Variants in PALS2 observed in about 807,000 individuals in gnomAD.
The protein encoded by PALS2 is protein associated with LIN7 2, MAGUK p55 family member, also known as protein PALS2.
In PALS2, 27 loss-of-function variants were observed where a neutral mutation model predicts 61.6. The observed-to-expected ratio is 0.44, with a 90% CI of 0.32 to 0.60. The LOEUF is 0.60. Ranked by LOEUF, PALS2 falls within the 20% of genes least tolerant of loss-of-function variation. The probability of loss-of-function intolerance (pLI) is 0.05; values close to 1 mark genes in which losing one functional copy is unlikely to be tolerated. For missense variants in PALS2, 554 were observed against 639.4 expected, an observed-to-expected ratio of 0.87 and a Z score of 1.44; for synonymous variants, 236 against 218.6, an observed-to-expected ratio of 1.08 and a Z score of -0.70.
In PALS2 at chr7:24,593,422, A is replaced by G. The variant is rs1783376463; in HGVS notation, c.-3+19829A>G. On this transcript the variant is annotated intron_variant, in intron 1 of 11. Coordinates refer to ENST00000222644, the MANE Select transcript of PALS2 (RefSeq NM_001303037.2). The stretch of plus-strand genomic sequence containing the variant: ...ATTTTGACCTTCTCCCATGAATCAC[A>G]AGTGTTCTTAATGACATAAATGGTG... Among the ~76,000 whole-genome samples the G allele has an allele frequency of 2.0e-5, 3 of 152,252 alleles. No individual in the cohort carries two copies. In the South Asian group the frequency reaches 6.2e-4, roughly 32 times the overall value.
Position 24,663,635 on chromosome 7 carries a change from C to G in PALS2, c.697C>G (p.Leu233Val). The G allele has an allele frequency of 6.3e-7, 1 of 1,594,912 alleles. No homozygotes were observed. The highest frequency in any genetic ancestry group is 2.2e-5 in the East Asian group (1 of 44,648). Residue 233 changes from leucine to valine, a missense_variant, in exon 6 of 12, where the codon CTA becomes GTA. Physicochemically the swap from Leu to Val is conservative, Grantham distance 32. Coordinates refer to ENST00000222644, the MANE Select transcript of PALS2 (RefSeq NM_001303037.2). ...TGATTATAATCCATACAATGACAAC[C>G]TAATACCTTGCAAAGAAGCAGGATT... is the stretch of plus-strand genomic sequence containing the variant. ...HFDYNPYNDN[L>V]IPCKEAGLKF... is the part of the protein sequence containing the mutation.
chr7:24,652,650 C>T (rs769450220), intron 5 of PALS2, among the ~76,000 whole-genome samples: 1 of 151,730 alleles, frequency 6.6e-6, no homozygotes, highest in Non-Finnish European at 1.5e-5. Flanking sequence ...AGGCATAAAC[C>T]AGGGCATCTG....
At chr7:24,640,624 A>G (rs1303270782) in intron 2 of PALS2, among the ~76,000 whole-genome samples, 1 of 152,214 alleles carries the variant, frequency 6.6e-6, no homozygotes, top group African/African-American at 2.4e-5. Context: ...TTATCAGAAA[A>G]GCAAGGAATG....
chr7:24,660,332 C>G (rs538757458), intron 5 of PALS2, among the ~76,000 whole-genome samples: 1 of 152,178 alleles, frequency 6.6e-6, no homozygotes, highest in African/African-American at 2.4e-5. Flanking sequence ...CTCATCCCCC[C>G]ACCAGTAACA....
chr7:24,659,090 G>A (rs1379434717), intron 5 of PALS2, among the ~76,000 whole-genome samples: 2 of 152,140 alleles, frequency 1.3e-5, no homozygotes, highest in African/African-American at 2.4e-5. Context: ...ACTTACAAGT[G>A]AGAACATGCA....
intron 1 of PALS2, among the ~76,000 whole-genome samples, chr7:24,620,498 TC>T (rs1471496703): frequency 2.6e-5 from 4 of 152,028 alleles, no homozygotes; most frequent in African/African-American, 9.7e-5. Context: ...TGATTAAGAG[TC>T]AGTAACAACT....
intron 6 of PALS2, 41 bp downstream of exon 6, chr7:24,663,762 T>G (rs761107584): frequency 6.4e-7 from 1 of 1,568,852 alleles, no homozygotes; most frequent in Non-Finnish European, 8.7e-7. Context: ...ACTTTTCTAA[T>G]TTTAATCTTA....
intron 1 of PALS2, among the ~76,000 whole-genome samples, chr7:24,598,384 G>A (rs1231633785): frequency 6.6e-6 from 1 of 152,094 alleles, no homozygotes; most frequent in African/African-American, 2.4e-5. Flanking sequence ...TAGAAGTGAA[G>A]GGCTAACAAG....
intron 2 of PALS2, among the ~76,000 whole-genome samples, chr7:24,624,473 A>G (rs1784651012): frequency 6.6e-6 from 1 of 151,972 alleles, no homozygotes; most frequent in Admixed American, 6.6e-5. Flanking sequence ...GCTCTATGAG[A>G]ATGTTGATTT....
intron 5 of PALS2, among the ~76,000 whole-genome samples, chr7:24,651,641 A>G (rs1456918585): frequency 2.0e-5 from 3 of 152,212 alleles, no homozygotes; most frequent in Admixed American, 2.0e-4. Context: ...ATTGAAAATT[A>G]TGATAGGAGT....
At chr7:24,641,007 CA>C (rs35912373) in intron 2 of PALS2, among the ~76,000 whole-genome samples, 4,074 of 66,910 alleles carry the variant, frequency 0.061, 29 homozygotes, top group Non-Finnish European at 0.078. Flanking sequence ...GACTCCATCT[CA>C]AAAAAAAAAA....
chr7:24,653,398 A>C (rs1786259062), intron 5 of PALS2, among the ~76,000 whole-genome samples: 1 of 152,168 alleles, frequency 6.6e-6, no homozygotes, highest in African/African-American at 2.4e-5. Context: ...TATTACAAAA[A>C]AAAAAAATAG....
chr7:24,651,879 A>G (rs907338353), intron 5 of PALS2, among the ~76,000 whole-genome samples: 1 of 152,220 alleles, frequency 6.6e-6, no homozygotes, highest in Non-Finnish European at 1.5e-5. Flanking sequence ...TTGAATGTCT[A>G]TTTTAAACTG....
At position 24,691,391 on chromosome 7, in the gene PALS2, G is replaced by GTA. The variant is rs1788460003; in HGVS notation, c.*3778_*3779insAT. 2.0e-5 allele frequency: 2 copies of GTA among 100,404 alleles called. No homozygotes were observed. The highest frequency in any genetic ancestry group is 4.4e-5 in the Non-Finnish European group (2 of 45,956). The allele number at this position is 100,404 out of a possible 1,614,324, so 6.2% of individuals were successfully genotyped here. A position where few individuals can be genotyped will look rare whatever the true frequency, so the allele number is the denominator to read the frequency against. On this transcript the variant is annotated 3_prime_UTR_variant, in exon 12 of 12. Transcript: ENST00000222644. ...GTTCGAGTTGCCATATATTATGTAT[G>GTA]TGTGTGTGTGTGTGTATATATATAT...
chr7:24,583,996 A>G (rs373699021), intron 1 of PALS2, among the ~76,000 whole-genome samples: 1 of 149,126 alleles, frequency 6.7e-6, no homozygotes, highest in African/African-American at 2.5e-5. Context: ...TGAACTCATC[A>G]TTTTTTATGG....
At chr7:24,656,348 A>G (rs770244927) in intron 5 of PALS2, among the ~76,000 whole-genome samples, 6 of 152,222 alleles carry the variant, frequency 3.9e-5, no homozygotes, top group South Asian at 2.1e-4. Flanking sequence ...TTCCTGTGCA[A>G]TATTTCCTCA....
intron 9 of PALS2, among the ~76,000 whole-genome samples, chr7:24,677,948 T>A (rs1345070275): frequency 6.6e-6 from 1 of 152,222 alleles, no homozygotes; most frequent in Non-Finnish European, 1.5e-5. Flanking sequence ...GTTTTCTATG[T>A]CTTAGGCTTA....
intron 2 of PALS2, 97 bp downstream of exon 2, chr7:24,623,881 C>T (rs1285332821): frequency 1.9e-6 from 2 of 1,055,394 alleles, no homozygotes; most frequent in Admixed American, 2.5e-5. Flanking sequence ...GGTTGATATA[C>T]ATTAGGTTTA....
intron 1 of PALS2, among the ~76,000 whole-genome samples, chr7:24,586,568 CAG>C (rs1374343063): frequency 6.6e-6 from 1 of 152,090 alleles, no homozygotes; most frequent in Non-Finnish European, 1.5e-5. Flanking sequence ...GTGGTTAGAA[CAG>C]AGAGTTTATA....
Sources: allele counts gnomAD v4.1 joint callset (sites outside exome capture counted in the v4.1 genomes callset), GRCh38; gene constraint gnomAD v4.1.1; transcripts MANE v1.5; gene names NCBI Gene and HGNC (gene_info 2026-07-23, HGNC 2026-07-21).